ESCO1: variants seen among roughly 807,000 people sequenced by gnomAD.
The protein encoded by ESCO1 is N-acetyltransferase ESCO1.
Under a neutral mutation model 83.5 loss-of-function variants are expected in ESCO1, and 33 were observed. The ratio of observed to expected loss-of-function variants is 0.40; its 90% CI spans 0.30 to 0.53. The LOEUF (loss-of-function observed/expected upper bound fraction) is 0.53, where lower values mean the gene tolerates loss of function less well. Among genes scored for constraint, ESCO1 ranks in the 20% least tolerant of loss-of-function variants. ESCO1 has a pLI of 0.63. For synonymous variants in ESCO1, 332 were observed against 324.3 expected (o/e 1.02, Z -0.25); for missense variants, 855 against 968.0 (o/e 0.88, Z 1.55).
intron 8 of ESCO1, among the ~76,000 whole-genome samples, chr18:21,553,003 C>A (rs1018665489): frequency 7.2e-5 from 11 of 152,178 alleles, no homozygotes; most frequent in African/African-American, 2.7e-4. Flanking sequence ...TTAAAAGATA[C>A]TGTTGGCCAG....
At chr18:21,532,839 T>TA (rs2037785064) in intron 10 of ESCO1, among the ~76,000 whole-genome samples, 179 bp from the exon 11 acceptor site, 1 of 152,232 alleles carries the variant, frequency 6.6e-6, no homozygotes, top group African/African-American at 2.4e-5. Context: ...CCAGTTCACT[T>TA]ACTAGTTGTA....
chr18:21,545,410 T>A (rs1400977890), intron 8 of ESCO1, among the ~76,000 whole-genome samples: 1 of 150,488 alleles, frequency 6.6e-6, no homozygotes, highest in Non-Finnish European at 1.5e-5. Context: ...CCGTCTCTAC[T>A]AAAAATACAA....
chr18:21,548,644 T>A (rs2038005514), intron 8 of ESCO1, among the ~76,000 whole-genome samples: 1 of 149,860 alleles, frequency 6.7e-6, no homozygotes, highest in Non-Finnish European at 1.5e-5. Context: ...AAAAAATTTT[T>A]AAATTTAAAA....
At chr18:21,562,308 T>C (rs922604210) in intron 7 of ESCO1, among the ~76,000 whole-genome samples, 1 of 152,048 alleles carries the variant, frequency 6.6e-6, no homozygotes. Flanking sequence ...AAACCCCATC[T>C]CTACTAAAAA....
Position 21,592,422 on chromosome 18 carries a change from G to A in ESCO1, c.-824-7982C>T, listed in dbSNP as rs1160953020. Among the ~76,000 whole-genome samples, 12 of 147,202 alleles carry A rather than the reference G, an allele frequency of 8.2e-5. No homozygotes were observed. The South Asian group carries it at 1.9e-3, about 24-fold the overall frequency. The stretch of plus-strand genomic sequence containing the variant: ...TCCCAGATGGGGCGGCTGGCCGGGC[G>A]GGGGGCTGACCCCCCCACCTCCCTC... On this transcript the variant is annotated intron_variant, in intron 1 of 11. Transcript: ENST00000269214.
chr18:21,583,168 C>T (rs575488469), intron 2 of ESCO1, among the ~76,000 whole-genome samples: 2 of 151,672 alleles, frequency 1.3e-5, no homozygotes, highest in East Asian at 1.9e-4. Context: ...GGTGACAGAG[C>T]GAGACTCTGT....
At chr18:21,594,966 T>TGC (rs61346662) in intron 1 of ESCO1, among the ~76,000 whole-genome samples, 76 of 147,748 alleles carry the variant, frequency 5.1e-4, no homozygotes, top group East Asian at 4.6e-3. Context: ...TGTGTGTGTG[T>TGC]ATCTTTTTTA....
In ESCO1 at chr18:21,574,789, T is replaced by C; in HGVS notation, c.55A>G (p.Ser19Gly). Residue 19 changes from serine to glycine, a missense_variant, in exon 4 of 12, where the codon AGT becomes GGT. Coordinates refer to ENST00000269214, the MANE Select transcript of ESCO1 (RefSeq NM_052911.3). ...KENSSKVTKK[S>G]DDKNSETEIQ... ...TCTGTTTCTGAATTCTTATCGTCAC[T>C]TTTTTTAGTAACTTTGGAGGAATTC... 6.2e-7 allele frequency: 1 copy of C among 1,600,496 alleles called. No homozygotes were observed. The highest frequency in any genetic ancestry group is 8.5e-7 in the Non-Finnish European group (1 of 1,179,064).
intron 4 of ESCO1, among the ~76,000 whole-genome samples, chr18:21,570,597 TA>T (rs2038326827): frequency 6.6e-6 from 1 of 152,124 alleles, no homozygotes; most frequent in Non-Finnish European, 1.5e-5. Context: ...TATATACACA[TA>T]AAATCACAGA....
At chr18:21,550,656 T>C (rs1373599884) in intron 8 of ESCO1, among the ~76,000 whole-genome samples, 1 of 152,178 alleles carries the variant, frequency 6.6e-6, no homozygotes, top group Non-Finnish European at 1.5e-5. Flanking sequence ...ATGGTCCAAA[T>C]TCCACTCCAC....
chr18:21,574,096 T>G lies in ESCO1; in HGVS notation c.748A>C (p.Lys250Gln). The stretch of plus-strand genomic sequence containing the variant: ...TTCGGGACCACTGAAGTAGCCATTT[T>G]TGATCTTTTCACCTCAGAAGTTACA... ...VPVTSEVKRS[K>Q]MATSVVPKKN... The change falls in exon 4 of 12, where the codon AAA becomes CAA. Residue 250 changes from lysine (K) to glutamine (Q), a missense_variant. Lys to Gln is a moderately conservative substitution (Grantham distance 53). This residue lies in a region of ESCO1 where 726 missense variants were observed against 699.5 expected (regional missense o/e 1.04). Coordinates refer to ENST00000269214, the MANE Select transcript of ESCO1 (RefSeq NM_052911.3). The G allele has an allele frequency of 6.2e-7, 1 of 1,613,262 alleles. No homozygotes were observed. Among genetic ancestry groups the G allele is most frequent in the African/African-American group, 1.3e-5 (1 of 75,004 alleles).
chr18:21,539,766 T>C (rs1054641994), intron 9 of ESCO1, among the ~76,000 whole-genome samples, 154 bp downstream of exon 9: 38 of 151,876 alleles, frequency 2.5e-4, no homozygotes, highest in African/African-American at 8.5e-4. Context: ...GAGAATCCCT[T>C]GAACCCGGGA....
chr18:21,555,158 C>T (rs1224969142), intron 8 of ESCO1, among the ~76,000 whole-genome samples: 2 of 152,030 alleles, frequency 1.3e-5, no homozygotes, highest in Non-Finnish European at 2.9e-5. Context: ...GTGAAAAAAG[C>T]CCATCAGAAA....
At chr18:21,545,237 T>G (rs1044576611) in intron 8 of ESCO1, among the ~76,000 whole-genome samples, 3 of 152,206 alleles carry the variant, frequency 2.0e-5, no homozygotes, top group Non-Finnish European at 4.4e-5. Flanking sequence ...GTCTAGCCTG[T>G]GTACTTTCTT....
chr18:21,568,021 A>G lies in ESCO1; in HGVS notation c.1604T>C (p.Leu535Pro). ...VENVTAASTL[L>P]SQAKIDTGEN... is the part of the protein sequence containing the mutation. ...TCCTGTATCAATTTTTGCTTGACTG[A>G]GCAGAGTCGAAGCAGCAGTAACATT... is the stretch of plus-strand genomic sequence containing the variant. Residue 535 changes from leucine to proline, a missense_variant, in exon 5 of 12, where the codon CTC becomes CCC. Around this residue, in one of 2 missense-constraint regions of ESCO1, gnomAD observed 726 missense variants for 699.5 expected, o/e 1.04. Coordinates refer to ENST00000269214, the MANE Select transcript of ESCO1 (RefSeq NM_052911.3). The G allele has an allele frequency of 6.2e-7, 1 of 1,613,848 alleles. No individual in the cohort carries two copies.
intron 4 of ESCO1, among the ~76,000 whole-genome samples, chr18:21,569,744 C>T (rs116329542): frequency 2.0e-5 from 3 of 152,172 alleles, no homozygotes; most frequent in East Asian, 1.9e-4. Context: ...CAGTTACTCA[C>T]GAGGCTAAGG....
chr18:21,598,360 T>G (rs1349011773), intron 1 of ESCO1, among the ~76,000 whole-genome samples: 1 of 152,222 alleles, frequency 6.6e-6, no homozygotes, highest in Non-Finnish European at 1.5e-5. Context: ...CTGTGAAGCA[T>G]AATTTATCAA....
chr18:21,536,006 C>T, intron 10 of ESCO1, 36 bp downstream of exon 10: 2 of 1,602,242 alleles, frequency 1.2e-6, no homozygotes. Context: ...ACTCATTAAA[C>T]ACCAAATTAC....
chr18:21,540,119 T>C, intron 8 of ESCO1, 110 bp from the exon 9 acceptor site: 1 of 1,032,626 alleles, frequency 9.7e-7, no homozygotes, highest in Non-Finnish European at 1.4e-6. Flanking sequence ...TGTCTAAAAA[T>C]TGCAAACATG....
Sources: gnomAD v4.1 joint callset for allele counts (sites outside exome capture counted in the v4.1 genomes callset) on GRCh38, gnomAD v4.1.1 for gene constraint, gnomAD v4.1.1 regional missense constraint, MANE v1.5 for transcripts, NCBI Gene and HGNC (gene_info 2026-07-23, HGNC 2026-07-21) for gene names.